KIF1A: variants seen among roughly 807,000 people sequenced by gnomAD.
The protein encoded by KIF1A is kinesin family member 1A.
A neutral mutation model predicts 227.3 loss-of-function variants in KIF1A; 46 were observed. The ratio of observed to expected loss-of-function variants is 0.20; its 90% CI spans 0.16 to 0.26. The LOEUF (loss-of-function observed/expected upper bound fraction) is 0.26, where lower values mean the gene tolerates loss of function less well. Among genes scored for constraint, KIF1A ranks in the 10% least tolerant of loss-of-function variants. The pLI is 1.00. For missense variants in KIF1A, 1,683 were observed against 2,485.9 expected (o/e 0.68, Z 6.87); for synonymous variants, 1,022 against 1,012.8 (o/e 1.01, Z -0.17).
intron 47 of KIF1A, 79 bp from the exon 48 acceptor site, chr2:240,718,247 C>T: frequency 9.9e-7 from 1 of 1,014,518 alleles, no homozygotes. Context: ...AGGGCCCAGG[C>T]AGGCAGGGGA....
rs1454182173 is a variant in KIF1A at position 240,789,958 on chromosome 2, C to T, written c.107-646G>A. Reference sequence around the variant, plus strand: ...CAAACCCAGAACAAATCCATGAACACGTGATGATGCCCCCGCCCACAGCCG... The same window carrying T: ...CAAACCCAGAACAAATCCATGAACATGTGATGATGCCCCCGCCCACAGCCG... On this transcript the variant is annotated intron_variant, in intron 2 of 48. Transcript: ENST00000498729. This position sits in a 1 kb window ranked among gnomAD's most constrained non-coding sequence, Gnocchi z 4.8. Among the ~76,000 whole-genome samples the T allele has an allele frequency of 2.0e-5, 3 of 152,150 alleles. No individual in the cohort carries two copies. The highest frequency in any genetic ancestry group is 1.3e-4 in the Admixed American group (2 of 15,288).
At chr2:240,770,157 T>G (rs1170267388) in intron 15 of KIF1A, among the ~76,000 whole-genome samples, 1 of 152,076 alleles carries the variant, frequency 6.6e-6, no homozygotes, top group Admixed American at 6.5e-5. Flanking sequence ...CTCGCCCCCA[T>G]CCCCTTCCTC....
At chr2:240,798,045 C>T (rs2056595459) in intron 1 of KIF1A, 1 of 324,268 alleles carries the variant, frequency 3.1e-6, no homozygotes, top group Non-Finnish European at 5.7e-6. Context: ...TGAAACCCAA[C>T]AAAAGAAACA....
rs1325988824 is a variant in KIF1A, at chr2:240,769,495, T to C, written c.1421+132A>G. Reference sequence around the variant, plus strand: ...TGGCGATGAGGGAACAGGTTTGCCCTGGGCTGGGATGTGGCCACCCCATGG... The same window carrying C: ...TGGCGATGAGGGAACAGGTTTGCCCCGGGCTGGGATGTGGCCACCCCATGG... On this transcript the variant is annotated intron_variant, in intron 16 of 48. Coordinates refer to ENST00000498729, the MANE Select transcript of KIF1A (RefSeq NM_001244008.2). 2.7e-5 allele frequency: 20 copies of C among 735,770 alleles called. No homozygotes were observed. The East Asian group carries it at 5.1e-4, about 19-fold the overall frequency. 45.6% of individuals were successfully genotyped at this position (735,770 alleles called of 1,614,324 possible).
chr2:240,745,954 G>T lies in KIF1A; in HGVS notation c.3203-45C>A, dbSNP rs377032836. The T allele has an allele frequency of 1.8e-4, 286 of 1,592,346 alleles. 1 individual carries two copies. In the African/African-American group the frequency reaches 3.5e-3, roughly 19 times the overall value. ...GAGTCATGGACCTCCAGGCCATATT[G>T]TCTTCCAGCCACAGGCCTGGGCCGG... On this transcript the variant is annotated intron_variant, in intron 30 of 48. Transcript: ENST00000498729.
intron 24 of KIF1A, 25 bp from the exon 25 acceptor site, chr2:240,760,868 C>T (rs758680389): frequency 1.6e-5 from 25 of 1,597,446 alleles, no homozygotes; most frequent in Admixed American, 1.8e-5. Flanking sequence ...GATGACCACT[C>T]GTCAGCTCCT....
intron 32 of KIF1A, among the ~76,000 whole-genome samples, chr2:240,744,325 G>A (rs2048344936): frequency 6.6e-6 from 1 of 152,166 alleles, no homozygotes; most frequent in African/African-American, 2.4e-5. Context: ...TGCCCTTTCA[G>A]AACACGGAGC....
chr2:240,806,188 A>T (rs2057388139), intron 1 of KIF1A, among the ~76,000 whole-genome samples: 1 of 152,224 alleles, frequency 6.6e-6, no homozygotes, highest in African/African-American at 2.4e-5. Context: ...CAGCTTTGAC[A>T]GGTTGAGAAG....
In KIF1A at chr2:240,713,872, G is replaced by A. The variant is rs2044373967; in HGVS notation, c.*3492C>T. 6.5e-6 allele frequency: 1 copy of A among 152,922 alleles called. No homozygotes were observed. The highest frequency in any genetic ancestry group is 1.5e-5 in the Non-Finnish European group (1 of 68,162). 9.5% of individuals were successfully genotyped at this position (152,922 alleles called of 1,614,324 possible). ...ACTCGGGTGTAAGACATCGGGACAG[G>A]CGTCGTGACGTCGGGACGGCAGCTA... On this transcript the variant is annotated 3_prime_UTR_variant, in exon 49 of 49. Transcript: ENST00000498729.
chr2:240,724,101 T>C, intron 40 of KIF1A, 65 bp from the exon 41 acceptor site: 1 of 1,444,124 alleles, frequency 6.9e-7, no homozygotes, highest in Non-Finnish European at 9.7e-7. Flanking sequence ...ACAGCCAGCC[T>C]GGCTGCTGAC....
chr2:240,723,525 G>T lies in KIF1A; in HGVS notation c.4352C>A (p.Thr1451Lys). 1 of 1,553,638 alleles carries T rather than the reference G, an allele frequency of 6.4e-7. No homozygotes were observed. Among genetic ancestry groups the T allele is most frequent in the Non-Finnish European group, 8.7e-7 (1 of 1,149,282 alleles). The change falls in exon 42 of 49, where the codon ACA (threonine) becomes AAA (lysine). Residue 1451 changes from threonine (T) to lysine (K), a missense_variant. Physicochemically the swap from Thr to Lys is moderately conservative, Grantham distance 78. Around this residue, in one of 12 missense-constraint regions of KIF1A, gnomAD observed 759 missense variants for 1,020.2 expected, o/e 0.74. Transcript: ENST00000498729. ...MQRRRRRVLD[T>K]SVAYVRGEEN... is the part of the protein sequence containing the mutation. Reference sequence around the variant, plus strand: ...CTCGCCCCGGACATAGGCCACAGATGTGTCCAGGACTCGTCGGCGCCGGCG... The same window carrying T: ...CTCGCCCCGGACATAGGCCACAGATTTGTCCAGGACTCGTCGGCGCCGGCG...
intron 1 of KIF1A, among the ~76,000 whole-genome samples, chr2:240,807,433 G>A (rs914891791): frequency 5.9e-5 from 9 of 152,064 alleles, no homozygotes; most frequent in Admixed American, 5.2e-4. Flanking sequence ...ATGAGCCACC[G>A]CACCCAGCCC....
chr2:240,728,978 TGTACACATCAGCATCACTATCTG>T (rs1299293633), intron 38 of KIF1A, among the ~76,000 whole-genome samples: 1 of 152,176 alleles, frequency 6.6e-6, no homozygotes, highest in East Asian at 1.9e-4. Flanking sequence ...GCCTGGAGCT[TGTACACATCAGCATCACTATCTG>T]GTACACGTCA....
chr2:240,758,632 A>G lies in KIF1A; in HGVS notation c.2445-135T>C. 2 of 915,192 alleles carry G rather than the reference A, an allele frequency of 2.2e-6. No individual in the cohort carries two copies. The highest frequency in any genetic ancestry group is 1.5e-6 in the Non-Finnish European group (1 of 659,832). The allele number at this position is 915,192 out of a possible 1,614,324, so 56.7% of individuals were successfully genotyped here. On this transcript the variant is annotated intron_variant, in intron 25 of 48. Transcript: ENST00000498729. This position sits in a 1 kb window ranked among gnomAD's most constrained non-coding sequence, Gnocchi z 5.2. ...ATCCAGCTCAGGGTCATCAAGGTCC[A>G]GGGGGCTTGCTAGACAGACCCCCTC...
chr2:240,813,283 T>A (rs1335069863), intron 1 of KIF1A, among the ~76,000 whole-genome samples: 1 of 152,150 alleles, frequency 6.6e-6, no homozygotes, highest in East Asian at 1.9e-4. Context: ...TGAGACCCCA[T>A]GGGATAGGGC....
chr2:240,744,871 C>T (rs538049657), intron 32 of KIF1A, among the ~76,000 whole-genome samples: 4 of 152,312 alleles, frequency 2.6e-5, no homozygotes, highest in Admixed American at 6.5e-5. Context: ...GGCCTGGCTC[C>T]CTGGTAGCTT....
rs1319893340 is a variant in KIF1A at position 240,736,365 on chromosome 2, C to G, written c.4007+698G>C. Among the ~76,000 whole-genome samples, 1 of 152,142 alleles carries G rather than the reference C, an allele frequency of 6.6e-6. No homozygotes were observed. The highest frequency in any genetic ancestry group is 1.5e-5 in the Non-Finnish European group (1 of 68,024). On this transcript the variant is annotated intron_variant, in intron 38 of 48. Coordinates refer to ENST00000498729, the MANE Select transcript of KIF1A (RefSeq NM_001244008.2). This position sits in a 1 kb window ranked among gnomAD's most constrained non-coding sequence, Gnocchi z 4.7. ...TCACTTTCCCCAAGCCCCTGGAAGGCAGCGTCTGGGACGCAGTGGAGCCCG... is the reference window on the plus strand; with the variant it reads ...TCACTTTCCCCAAGCCCCTGGAAGGGAGCGTCTGGGACGCAGTGGAGCCCG...
Position 240,740,094 on chromosome 2 carries a change from G to A in KIF1A, c.3865C>T (p.His1289Tyr). The A allele has an allele frequency of 6.3e-7, 1 of 1,590,006 alleles. No individual in the cohort carries two copies. The highest frequency in any genetic ancestry group is 8.6e-7 in the Non-Finnish European group (1 of 1,168,860). ...TCGCGCACTTCCTTCCAGCGGATAT[G>A]GCTGCCTGTCTCATGCAGTAGTGTC... is the stretch of plus-strand genomic sequence containing the variant. Reference protein sequence around the residue: ...TVTLLHETGSHIRWKEVRELV... With the variant: ...TVTLLHETGSYIRWKEVRELV... Residue 1289 changes from histidine (H) to tyrosine (Y), a missense_variant, in exon 37 of 49, where the codon CAT becomes TAT. This residue lies in a region of KIF1A where 759 missense variants were observed against 1,020.2 expected (regional missense o/e 0.74). Transcript: ENST00000498729. This position sits in a 1 kb window ranked among gnomAD's most constrained non-coding sequence, Gnocchi z 6.1.
intron 38 of KIF1A, among the ~76,000 whole-genome samples, chr2:240,727,825 G>A (rs369438413): frequency 4.9e-4 from 75 of 152,316 alleles, no homozygotes; most frequent in Middle Eastern, 3.4e-3. Context: ...TTTCTGTTAC[G>A]TGAGAGTTCC....
Sources: allele counts gnomAD v4.1 joint callset (sites outside exome capture counted in the v4.1 genomes callset), GRCh38; gene constraint gnomAD v4.1.1; regional missense constraint gnomAD v4.1.1; non-coding constraint Gnocchi (gnomAD v3.1); transcripts MANE v1.5; gene names NCBI Gene and HGNC (gene_info 2026-07-23, HGNC 2026-07-21).